C12orf56: variants seen among roughly 807,000 people sequenced by gnomAD.
C12orf56 encodes uncharacterized protein C12orf56.
In C12orf56, 71 loss-of-function variants were observed where a neutral mutation model predicts 69.9. The ratio of observed to expected loss-of-function variants is 1.02; its 90% confidence interval spans 0.84 to 1.24. C12orf56 has a LOEUF of 1.24. C12orf56 is among the 50% of genes most tolerant of loss of function. The probability of loss-of-function intolerance (pLI) is 0.00; values close to 1 mark genes in which losing one functional copy is unlikely to be tolerated. For synonymous variants in C12orf56, 276 were observed against 274.1 expected, an observed-to-expected ratio of 1.01 and a Z score of -0.07; for missense variants, 732 against 738.5, an observed-to-expected ratio of 0.99 and a Z score of 0.10.
chr12:64,279,359 C>A (rs537579976), intron 8 of C12orf56, among the ~76,000 whole-genome samples: 26 of 152,176 alleles, frequency 1.7e-4, no homozygotes, highest in Non-Finnish European at 3.1e-4. Context: ...CTATCTCCTC[C>A]TATTGGGTAG....
chr12:64,354,876 C>G (rs548916569), intron 1 of C12orf56, among the ~76,000 whole-genome samples: 1 of 150,464 alleles, frequency 6.6e-6, no homozygotes, highest in African/African-American at 2.4e-5. Flanking sequence ...GTCAGGAGTT[C>G]GAGACCAGCC....
intron 8 of C12orf56, among the ~76,000 whole-genome samples, chr12:64,283,908 ATTTT>A (rs35345999): frequency 7.5e-6 from 1 of 133,140 alleles, no homozygotes; most frequent in Non-Finnish European, 1.6e-5. Flanking sequence ...TAGAGTATCT[ATTTT>A]TTTTTTTTTT....
chr12:64,372,578 G>A (rs140658384), intron 1 of C12orf56, among the ~76,000 whole-genome samples: 1,843 of 152,248 alleles, frequency 0.012, 34 homozygotes, highest in African/African-American at 0.042. Flanking sequence ...GCAATGGCAC[G>A]ATCTTGGCTC....
intron 6 of C12orf56, among the ~76,000 whole-genome samples, chr12:64,300,513 C>T (rs1040345960): frequency 2.0e-5 from 3 of 152,132 alleles, no homozygotes; most frequent in Admixed American, 1.3e-4. Context: ...ACTTTAAATC[C>T]AGTCCCTGAT....
intron 8 of C12orf56, among the ~76,000 whole-genome samples, chr12:64,283,325 CAA>C (rs933167577): frequency 2.0e-5 from 3 of 152,100 alleles, no homozygotes; most frequent in African/African-American, 7.2e-5. Flanking sequence ...GCCTGGGTGA[CAA>C]GAGCAAAACT....
In C12orf56 at chr12:64,340,291, C is replaced by T. The variant is rs549357596; in HGVS notation, c.416-9259G>A. Among the ~76,000 whole-genome samples, 115 of 152,198 alleles carry T rather than the reference C, an allele frequency of 7.6e-4. 1 individual carries two copies. The highest frequency in any genetic ancestry group is 2.2e-3 in the Admixed American group (33 of 15,282). ...CCACCCAGAATAAGCGTGGGTCTGC[C>T]TTCCCCAGCCCACTGACTCAAATGT... On this transcript the variant is annotated intron_variant, in intron 2 of 12. Coordinates refer to ENST00000543942, the MANE Select transcript of C12orf56 (RefSeq NM_001170633.2).
Position 64,366,024 on chromosome 12 carries a change from GTATAATATATAGTTTATATATTATA to G in C12orf56, c.253-12993_253-12969del, listed in dbSNP as rs1565776862. 1.7e-5 allele frequency among the ~76,000 whole-genome samples: 2 copies of G among 118,410 alleles called. 1 individual carries two copies. The highest frequency in any genetic ancestry group is 7.0e-5 in the African/African-American group (2 of 28,508). 77.7% of individuals were successfully genotyped at this position (118,410 alleles called of 152,430 possible). On this transcript the variant is annotated intron_variant, in intron 1 of 12. Transcript: ENST00000543942. ...TATTATTATATATAATATATAGCTT[GTATAATATATAGTTTATATATTATA>G]TATAATATATAGCTTGTATAATATA... is the stretch of plus-strand genomic sequence containing the variant.
chr12:64,362,726 C>T (rs2039415095), intron 1 of C12orf56, among the ~76,000 whole-genome samples: 1 of 152,034 alleles, frequency 6.6e-6, no homozygotes, highest in South Asian at 2.1e-4. Flanking sequence ...ATAAGAATGG[C>T]TACTCCACAG....
intron 5 of C12orf56, among the ~76,000 whole-genome samples, chr12:64,305,360 C>T (rs1455261395): frequency 6.6e-6 from 1 of 151,934 alleles, no homozygotes; most frequent in Non-Finnish European, 1.5e-5. Context: ...AGTACCTATC[C>T]AAATGTGCTG....
At chr12:64,345,168 A>G (rs1456319246) in intron 2 of C12orf56, among the ~76,000 whole-genome samples, 1 of 152,156 alleles carries the variant, frequency 6.6e-6, no homozygotes, top group Non-Finnish European at 1.5e-5. Context: ...CCAGGGGCCT[A>G]CGGGGACTTT....
At chr12:64,319,041 G>C (rs1193772486) in intron 3 of C12orf56, 61 bp from the exon 4 acceptor site, 3 of 1,372,348 alleles carry the variant, frequency 2.2e-6, no homozygotes, top group Middle Eastern at 1.9e-4. Flanking sequence ...GCAACAAAGA[G>C]AACCGGTAGT....
chr12:64,279,954 C>T (rs1264018820), intron 8 of C12orf56, among the ~76,000 whole-genome samples: 1 of 152,062 alleles, frequency 6.6e-6, no homozygotes, highest in Non-Finnish European at 1.5e-5. Context: ...TTCAAAGTAT[C>T]ATACATCCAA....
At chr12:64,293,995 A>C (rs1442718922) in intron 6 of C12orf56, among the ~76,000 whole-genome samples, 2 of 152,212 alleles carry the variant, frequency 1.3e-5, no homozygotes, top group Non-Finnish European at 1.5e-5. Context: ...TGTATCTTTA[A>C]ATATGGGTGC....
intron 6 of C12orf56, among the ~76,000 whole-genome samples, chr12:64,297,686 C>T (rs1049876792): frequency 6.6e-6 from 1 of 152,146 alleles, no homozygotes; most frequent in Admixed American, 6.6e-5. Flanking sequence ...TGGTTTCCAG[C>T]TTCATCCATG....
In C12orf56 at chr12:64,303,637, T is replaced by G. The variant is rs1183373044; in HGVS notation, c.1111A>C (p.Lys371Gln). ...TAAAAATAAAACAAAACACTTACCTTCCAGAAAAGCCTTTTCAGAATGAAG... is the reference window on the plus strand; with the variant it reads ...TAAAAATAAAACAAAACACTTACCTGCCAGAAAAGCCTTTTCAGAATGAAG... ...KNFILKRLFW[K>Q]TSDLFYFIVN... The change falls in exon 6 of 13, where the codon AAG (lysine) becomes CAG (glutamine). Residue 371 changes from lysine (K) to glutamine (Q), a missense_variant and splice_region_variant. By Grantham distance (53) the Lys-to-Gln change is moderately conservative. Transcript: ENST00000543942. 1 of 1,542,674 alleles carries G rather than the reference T, an allele frequency of 6.5e-7. No individual in the cohort carries two copies. Among genetic ancestry groups the G allele is most frequent in the Non-Finnish European group, 8.7e-7 (1 of 1,148,394 alleles).
intron 3 of C12orf56, among the ~76,000 whole-genome samples, chr12:64,323,565 C>CTTTTTTTTTTTTT (rs375927934): frequency 3.8e-5 from 5 of 130,820 alleles, no homozygotes; most frequent in Non-Finnish European, 3.2e-5. Flanking sequence ...CAAACATTTC[C>CTTTTTTTTTTTTT]TTTTTTTTTT....
chr12:64,374,906 G>T (rs1004449959), intron 1 of C12orf56, among the ~76,000 whole-genome samples: 1 of 151,924 alleles, frequency 6.6e-6, no homozygotes, highest in East Asian at 1.9e-4. Flanking sequence ...CTATTAGGTT[G>T]GTGCAAACAT....
At chr12:64,314,284 C>T (rs944524224) in intron 4 of C12orf56, among the ~76,000 whole-genome samples, 10 of 151,916 alleles carry the variant, frequency 6.6e-5, no homozygotes, top group South Asian at 2.1e-4. Flanking sequence ...GTAGAGATGG[C>T]GTCTTGCTAT....
intron 6 of C12orf56, among the ~76,000 whole-genome samples, chr12:64,299,758 A>C (rs1009998345): frequency 2.6e-5 from 4 of 152,160 alleles, no homozygotes; most frequent in African/African-American, 9.7e-5. Context: ...TAATCATGCT[A>C]TATTTCTAAT....
Sources: gnomAD v4.1 joint callset for allele counts (sites outside exome capture counted in the v4.1 genomes callset) on GRCh38, gnomAD v4.1.1 for gene constraint, MANE v1.5 for transcripts, NCBI Gene and HGNC (gene_info 2026-07-23, HGNC 2026-07-21) for gene names.